Variants in LDLRAD3 observed in about 807,000 individuals in gnomAD.
LDLRAD3 encodes low-density lipoprotein receptor class A domain-containing protein 3.
Under a neutral mutation model 29.4 loss-of-function variants are expected in LDLRAD3, and 20 were observed. The ratio of observed to expected loss-of-function variants is 0.68; its 90% CI spans 0.48 to 0.99. LDLRAD3 has a LOEUF of 0.99. Among genes scored for constraint, LDLRAD3 ranks in the 50% least tolerant of loss-of-function variants. The probability of loss-of-function intolerance (pLI) is 0.00; values close to 1 mark genes in which losing one functional copy is unlikely to be tolerated. For missense variants in LDLRAD3, 420 were observed against 454.3 expected (o/e 0.92, Z 0.69); for synonymous variants, 157 against 192.7 (o/e 0.81, Z 1.53).
chr11:36,062,975 G>GGAAAGGGCAAGGAAACGATTATGAT (rs1430929678), intron 2 of LDLRAD3, among the ~76,000 whole-genome samples: 1 of 152,162 alleles, frequency 6.6e-6, no homozygotes, highest in African/African-American at 2.4e-5. Context: ...ACAGGAACTG[G>GGAAAGGGCAAGGAAACGATTATGAT]GAAAGGGCAA....
intron 2 of LDLRAD3, among the ~76,000 whole-genome samples, chr11:36,054,667 A>G (rs1240027676): frequency 6.6e-6 from 1 of 152,240 alleles, no homozygotes; most frequent in African/African-American, 2.4e-5. Flanking sequence ...ATGAAGATGG[A>G]TGGATGCATG....
At chr11:36,012,499 G>A (rs907102292) in intron 1 of LDLRAD3, among the ~76,000 whole-genome samples, 9 of 152,142 alleles carry the variant, frequency 5.9e-5, no homozygotes, top group African/African-American at 2.2e-4. Flanking sequence ...CACTCTTCTT[G>A]TGCTTTGGGG....
At chr11:35,976,297 A>G (rs967276324) in intron 1 of LDLRAD3, among the ~76,000 whole-genome samples, 16 of 152,164 alleles carry the variant, frequency 1.1e-4, no homozygotes, top group African/African-American at 3.6e-4. Context: ...TAAGACAGGC[A>G]TAGTTGTAGG....
intron 4 of LDLRAD3, among the ~76,000 whole-genome samples, chr11:36,220,072 C>G (rs749245656): frequency 6.6e-6 from 1 of 152,164 alleles, no homozygotes; most frequent in East Asian, 1.9e-4. Context: ...AACAGATGCT[C>G]ACATCATTAG....
At chr11:36,116,844 C>CTTTTTTTT (rs58819693) in intron 4 of LDLRAD3, among the ~76,000 whole-genome samples, 2 of 136,986 alleles carry the variant, frequency 1.5e-5, no homozygotes, top group African/African-American at 2.7e-5. Context: ...TTCTTTTTTT[C>CTTTTTTTT]TTTTTTTTTT....
At chr11:35,960,966 T>G (rs1023420012) in intron 1 of LDLRAD3, among the ~76,000 whole-genome samples, 1 of 152,202 alleles carries the variant, frequency 6.6e-6, no homozygotes, top group Non-Finnish European at 1.5e-5. Context: ...GCCTGTTCCC[T>G]CATCTCCCGC....
At chr11:36,162,711 C>G (rs1263728005) in intron 4 of LDLRAD3, among the ~76,000 whole-genome samples, 1 of 152,172 alleles carries the variant, frequency 6.6e-6, no homozygotes, top group African/African-American at 2.4e-5. Flanking sequence ...TGGAGACTGA[C>G]TTAATTAGCC....
intron 4 of LDLRAD3, among the ~76,000 whole-genome samples, chr11:36,199,389 A>G (rs1450897115): frequency 2.0e-5 from 3 of 152,210 alleles, no homozygotes; most frequent in East Asian, 1.9e-4. Context: ...AGATACTTCT[A>G]TGGGCTTAAA....
chr11:35,959,030 G>A (rs1851242997), intron 1 of LDLRAD3, among the ~76,000 whole-genome samples: 2 of 152,178 alleles, frequency 1.3e-5, no homozygotes, highest in South Asian at 4.1e-4. Context: ...CGGGTGAACT[G>A]ATACAAATCA....
intron 4 of LDLRAD3, among the ~76,000 whole-genome samples, chr11:36,178,134 T>C (rs1174552981): frequency 1.3e-5 from 2 of 152,214 alleles, no homozygotes; most frequent in African/African-American, 4.8e-5. Context: ...AAGTTAGTCC[T>C]GCCTCCTCAC....
At chr11:36,108,000 G>T (rs1346900837) in intron 4 of LDLRAD3, among the ~76,000 whole-genome samples, 1 of 152,018 alleles carries the variant, frequency 6.6e-6, no homozygotes, top group Non-Finnish European at 1.5e-5. Flanking sequence ...TTAAATTATG[G>T]CACAGTGTTG....
At chr11:36,034,736 G>A (rs1259348789) in intron 1 of LDLRAD3, among the ~76,000 whole-genome samples, 1 of 152,144 alleles carries the variant, frequency 6.6e-6, no homozygotes, top group Non-Finnish European at 1.5e-5. Context: ...TACAGAATTA[G>A]TGCTCATCTG....
intron 4 of LDLRAD3, among the ~76,000 whole-genome samples, chr11:36,125,074 C>T (rs1278821513): frequency 6.6e-6 from 1 of 152,176 alleles, no homozygotes; most frequent in South Asian, 2.1e-4. Context: ...TTTCCCTCCT[C>T]ACCCTTAGTA....
At chr11:36,122,327 G>A (rs138173957) in intron 4 of LDLRAD3, among the ~76,000 whole-genome samples, 1 of 152,258 alleles carries the variant, frequency 6.6e-6, no homozygotes, top group Non-Finnish European at 1.5e-5. Context: ...GCTCAGTGCA[G>A]GGGGAGAAGT....
intron 4 of LDLRAD3, among the ~76,000 whole-genome samples, chr11:36,116,350 G>T (rs149326505): frequency 4.6e-5 from 7 of 152,056 alleles, no homozygotes; most frequent in Non-Finnish European, 1.0e-4. Flanking sequence ...CTGGTATCTT[G>T]CTTCCTGGCC....
chr11:36,168,314 C>T (rs1459725180), intron 4 of LDLRAD3, among the ~76,000 whole-genome samples: 4 of 152,112 alleles, frequency 2.6e-5, no homozygotes, highest in Non-Finnish European at 4.4e-5. Flanking sequence ...TAAGCTTGAG[C>T]ATGCAATTTT....
chr11:36,172,843 G>T (rs1854616678), intron 4 of LDLRAD3, among the ~76,000 whole-genome samples: 1 of 152,124 alleles, frequency 6.6e-6, no homozygotes. Context: ...TGGCTTCATA[G>T]AAAGATTTAG....
chr11:36,226,697 C>G (rs1855503947), intron 4 of LDLRAD3, among the ~76,000 whole-genome samples: 1 of 152,232 alleles, frequency 6.6e-6, no homozygotes. Context: ...TCCCCATTCT[C>G]TTTCCCACTC....
At chr11:36,033,558 C>G (rs1338369591) in intron 1 of LDLRAD3, among the ~76,000 whole-genome samples, 1 of 152,244 alleles carries the variant, frequency 6.6e-6, no homozygotes, top group Non-Finnish European at 1.5e-5. Flanking sequence ...GAGGAGCTAA[C>G]TCTACAAATG....
Sources: allele counts gnomAD v4.1 joint callset (sites outside exome capture counted in the v4.1 genomes callset), GRCh38; gene constraint gnomAD v4.1.1; transcripts MANE v1.5; gene names NCBI Gene and HGNC (gene_info 2026-07-23, HGNC 2026-07-21).